TMEM150C: variants seen among roughly 807,000 people sequenced by gnomAD.
The protein encoded by TMEM150C is transmembrane protein 150C.
Under a neutral mutation model 29.9 loss-of-function variants are expected in TMEM150C, and 10 were observed. The observed-to-expected ratio is 0.33, with a 90% CI of 0.21 to 0.57. The LOEUF is 0.57. TMEM150C is among the 20% of genes least tolerant of loss of function. TMEM150C has a pLI of 0.88. For synonymous variants in TMEM150C, 101 were observed against 112.5 expected (o/e 0.90, Z 0.64); for missense variants, 251 against 303.6 (o/e 0.83, Z 1.29).
chr4:82,548,761 G>A (rs1349356767), intron 1 of TMEM150C, among the ~76,000 whole-genome samples: 1 of 152,248 alleles, frequency 6.6e-6, no homozygotes, highest in African/African-American at 2.4e-5. Flanking sequence ...AAGCGAGGAG[G>A]TAATGGCCCT....
At chr4:82,494,696 A>G (rs4544702) in intron 6 of TMEM150C, 135,642 of 215,280 alleles carry the variant, frequency 0.63, 45,496 homozygotes, top group African/African-American at 0.88. Context: ...ACCCTCGCAC[A>G]TTTAAGAGAA....
intron 1 of TMEM150C, among the ~76,000 whole-genome samples, chr4:82,536,537 T>C (rs1441953695): frequency 6.6e-6 from 1 of 151,708 alleles, no homozygotes; most frequent in Non-Finnish European, 1.5e-5. Flanking sequence ...CTTACGTAAA[T>C]ATTTAGCTAA....
At chr4:82,528,541 T>G (rs1014383387) in intron 1 of TMEM150C, among the ~76,000 whole-genome samples, 1 of 151,868 alleles carries the variant, frequency 6.6e-6, no homozygotes, top group Non-Finnish European at 1.5e-5. Flanking sequence ...TAATTTCCCC[T>G]GCCCACAGCC....
At position 82,486,335 on chromosome 4, in the gene TMEM150C, TAAAAAAAAAAA is replaced by T. The variant is rs527967958; in HGVS notation, c.542-627_542-617del. On this transcript the variant is annotated intron_variant, in intron 7 of 7. Coordinates refer to ENST00000449862, the MANE Select transcript of TMEM150C (RefSeq NM_001080506.3). The stretch of plus-strand genomic sequence containing the variant: ...TGGTGGACAGAGCGAGACTCCATCT[TAAAAAAAAAAA>T]AAAAAAAAAAAAAAAAAGAAGAAAG... Among the ~76,000 whole-genome samples, 93 of 51,310 alleles carry T rather than the reference TAAAAAAAAAAA, an allele frequency of 1.8e-3. 1 individual carries two copies. Among genetic ancestry groups the T allele is most frequent in the African/African-American group, 7.2e-3 (80 of 11,158 alleles). 33.7% of individuals were successfully genotyped at this position (51,310 alleles called of 152,430 possible). A position where few individuals can be genotyped will look rare whatever the true frequency, so the allele number is the denominator to read the frequency against.
intron 1 of TMEM150C, among the ~76,000 whole-genome samples, chr4:82,517,747 T>C (rs1724338185): frequency 2.0e-5 from 3 of 152,194 alleles, no homozygotes; most frequent in Admixed American, 2.0e-4. Flanking sequence ...AGGGTCTCCA[T>C]CTTGCAGATG....
intron 1 of TMEM150C, among the ~76,000 whole-genome samples, chr4:82,528,607 T>C (rs1311091967): frequency 6.9e-6 from 1 of 143,946 alleles, no homozygotes; most frequent in South Asian, 2.2e-4. Context: ...CCTCGTCCCT[T>C]TTTTTTTTTT....
In TMEM150C at chr4:82,502,925, T is replaced by C. The variant is rs575789045; in HGVS notation, c.137A>G (p.Lys46Arg). 1.7e-5 allele frequency: 27 copies of C among 1,592,766 alleles called. 1 individual carries two copies. Among genetic ancestry groups the C allele is most frequent in the South Asian group, 1.5e-4 (13 of 87,746 alleles). Residue 46 changes from lysine (K) to arginine (R), a missense_variant and splice_region_variant, in exon 4 of 8, where the codon AAA (lysine) becomes AGA (arginine). Physicochemically the swap from Lys to Arg is conservative, Grantham distance 26 (BLOSUM62 2). Transcript: ENST00000449862. ...KILPLNSAER[K>R]PGVKHAPYIS... ...ATATGGTGCATGCTTCACACCAGGTTTCCTGGATAATAAAAAAAAAAAACA... is the reference window on the plus strand; with the variant it reads ...ATATGGTGCATGCTTCACACCAGGTCTCCTGGATAATAAAAAAAAAAAACA...
intron 1 of TMEM150C, among the ~76,000 whole-genome samples, chr4:82,558,260 T>C (rs1038519558): frequency 1.3e-5 from 2 of 152,186 alleles, no homozygotes; most frequent in African/African-American, 4.8e-5. Context: ...AAAATTCAGT[T>C]CCTCAATTAC....
intron 6 of TMEM150C, 191 bp downstream of exon 6, chr4:82,495,877 G>A: frequency 3.0e-6 from 2 of 663,920 alleles, no homozygotes; most frequent in Non-Finnish European, 5.1e-6. Context: ...GGCTAGGAAG[G>A]AGCTGTTCAG....
intron 1 of TMEM150C, among the ~76,000 whole-genome samples, chr4:82,551,066 T>C (rs1460917469): frequency 6.6e-6 from 1 of 151,812 alleles, no homozygotes; most frequent in African/African-American, 2.4e-5. Flanking sequence ...ACTGCAAGAG[T>C]TGGGGGAGAA....
At chr4:82,514,915 G>C (rs945752157) in intron 1 of TMEM150C, among the ~76,000 whole-genome samples, 2 of 152,102 alleles carry the variant, frequency 1.3e-5, no homozygotes, top group African/African-American at 4.8e-5. Context: ...TCATTTTTAA[G>C]CCACATTATT....
chr4:82,519,671 C>T (rs1724420774), intron 1 of TMEM150C, among the ~76,000 whole-genome samples: 1 of 152,188 alleles, frequency 6.6e-6, no homozygotes, highest in Non-Finnish European at 1.5e-5. Context: ...AAGTGATCCA[C>T]CCGCCTCGGC....
rs377703402 is a variant in TMEM150C at position 82,516,476 on chromosome 4, A to C, written c.-10-11809T>G. 7.9e-5 allele frequency among the ~76,000 whole-genome samples: 12 copies of C among 152,312 alleles called. 1 individual carries two copies. Among genetic ancestry groups the C allele is most frequent in the African/African-American group, 2.9e-4 (12 of 41,540 alleles). On this transcript the variant is annotated intron_variant, in intron 1 of 7. Coordinates refer to ENST00000449862, the MANE Select transcript of TMEM150C (RefSeq NM_001080506.3). ...TGTACACACTGCTTAAACTTCTTTA[A>C]GCCTCAGTTTTCTCATCTATAAAAT...
At chr4:82,538,150 C>A (rs956790671) in intron 1 of TMEM150C, among the ~76,000 whole-genome samples, 1 of 152,162 alleles carries the variant, frequency 6.6e-6, no homozygotes, top group Non-Finnish European at 1.5e-5. Flanking sequence ...CCTCTGCTTC[C>A]AGATTCAAGC....
intron 1 of TMEM150C, among the ~76,000 whole-genome samples, chr4:82,529,782 A>T (rs548028937): frequency 6.0e-4 from 92 of 152,202 alleles, no homozygotes; most frequent in Non-Finnish European, 1.2e-3. Flanking sequence ...AAGTAGAGAA[A>T]GTAAATGTGG....
chr4:82,517,990 T>A (rs1271091884), intron 1 of TMEM150C, among the ~76,000 whole-genome samples: 1 of 152,054 alleles, frequency 6.6e-6, no homozygotes, highest in Non-Finnish European at 1.5e-5. Flanking sequence ...GTTTCCTACC[T>A]CTCCTTACAG....
At chr4:82,550,383 C>T (rs778334189) in intron 1 of TMEM150C, among the ~76,000 whole-genome samples, 1 of 152,064 alleles carries the variant, frequency 6.6e-6, no homozygotes, top group East Asian at 1.9e-4. Flanking sequence ...ACTCTTGGGC[C>T]GTTCTTTATA....
At chr4:82,527,075 T>C (rs960317105) in intron 1 of TMEM150C, among the ~76,000 whole-genome samples, 8 of 147,610 alleles carry the variant, frequency 5.4e-5, no homozygotes, top group Admixed American at 2.7e-4. Flanking sequence ...CCTATTTTAC[T>C]TCACAGAGTA....
At chr4:82,530,073 G>T (rs929124620) in intron 1 of TMEM150C, among the ~76,000 whole-genome samples, 9 of 150,514 alleles carry the variant, frequency 6.0e-5, no homozygotes, top group African/African-American at 2.2e-4. Flanking sequence ...CATGCCTTTT[G>T]CTCTCTTTCA....
Sources: gnomAD v4.1 joint callset for allele counts (sites outside exome capture counted in the v4.1 genomes callset) on GRCh38, gnomAD v4.1.1 for gene constraint, MANE v1.5 for transcripts, NCBI Gene and HGNC (gene_info 2026-07-23, HGNC 2026-07-21) for gene names.